The following PUM2 variants were observed in gnomAD, a reference collection of about 807,000 sequenced individuals.
PUM2 encodes pumilio homolog 2.
Under a neutral mutation model 124.5 loss-of-function variants are expected in PUM2, and 57 were observed. The observed-to-expected ratio is 0.46, with a 90% CI of 0.37 to 0.57. The LOEUF (loss-of-function observed/expected upper bound fraction) is 0.57. Ranked by LOEUF, PUM2 falls within the 20% of genes least tolerant of loss-of-function variation. The probability of loss-of-function intolerance (pLI) is 0.00; values close to 1 mark genes in which losing one functional copy is unlikely to be tolerated. For missense variants in PUM2, 1,065 were observed against 1,290.6 expected (o/e 0.83, Z 2.68); for synonymous variants, 460 against 446.1 (o/e 1.03, Z -0.39).
Position 20,256,174 on chromosome 2 carries a change from C to A in PUM2, c.2485-4G>T, listed in dbSNP as rs761376154. On this transcript the variant is annotated splice_region_variant and splice_polypyrimidine_tract_variant and intron_variant, in intron 16 of 20. Coordinates refer to ENST00000361078, the MANE Select transcript of PUM2 (RefSeq NM_015317.5). ...CCAGCTCCTTTACCATTTCACTCTGCAAAAGACAGGATGTCATTTAAATTA... is the reference window on the plus strand; with the variant it reads ...CCAGCTCCTTTACCATTTCACTCTGAAAAAGACAGGATGTCATTTAAATTA... 3 of 1,581,670 alleles carry A rather than the reference C, an allele frequency of 1.9e-6. No homozygotes were observed. Among genetic ancestry groups the A allele is most frequent in the East Asian group, 4.7e-5 (2 of 42,576 alleles).
chr2:20,316,712 C>A (rs538435630), intron 3 of PUM2, among the ~76,000 whole-genome samples: 3 of 151,946 alleles, frequency 2.0e-5, no homozygotes, highest in Admixed American at 1.3e-4. Flanking sequence ...TAGTGAGACC[C>A]CCATCTCTAA....
intron 12 of PUM2, among the ~76,000 whole-genome samples, chr2:20,280,905 G>A (rs1483631698): frequency 6.6e-6 from 1 of 152,116 alleles, no homozygotes; most frequent in Non-Finnish European, 1.5e-5. Context: ...CGATGTTTAG[G>A]CTTCTTGGCC....
At position 20,265,249 on chromosome 2, in the gene PUM2, C is replaced by CAA. The variant is rs113132877; in HGVS notation, c.1958-1791_1958-1790dup. Among the ~76,000 whole-genome samples the CAA allele has an allele frequency of 6.6e-3, 515 of 77,656 alleles. 12 individuals carry two copies. In the East Asian group the frequency reaches 0.08, roughly 12 times the overall value. 50.9% of individuals were successfully genotyped at this position (77,656 alleles called of 152,430 possible). ...CCTGGGTGCCAGAGCGAAACCGTCA[C>CAA]AAAAAAAAAAAAAAAGGCATGTAAT... On this transcript the variant is annotated intron_variant, in intron 13 of 20. Transcript: ENST00000361078.
chr2:20,341,213 C>G (rs1687162231), intron 1 of PUM2, among the ~76,000 whole-genome samples: 1 of 151,942 alleles, frequency 6.6e-6, no homozygotes, highest in Non-Finnish European at 1.5e-5. Flanking sequence ...ATATTTTGAC[C>G]CAGAAGTTTC....
chr2:20,275,936 G>A (rs1241918189), intron 13 of PUM2, among the ~76,000 whole-genome samples: 2 of 152,004 alleles, frequency 1.3e-5, no homozygotes, highest in African/African-American at 2.4e-5. Context: ...AATTGTTAAA[G>A]ACATTTAAGT....
At chr2:20,252,206 GCCAGTACTTTGGGA>G (rs1335260223) in intron 20 of PUM2, among the ~76,000 whole-genome samples, 35 of 152,130 alleles carry the variant, frequency 2.3e-4, no homozygotes, top group Admixed American at 1.4e-3. Context: ...ACACTTAGAG[GCCAGTACTTTGGGA>G]CCAGACTGGG....
chr2:20,278,529 A>G, intron 13 of PUM2, 54 bp downstream of exon 13: 1 of 1,385,106 alleles, frequency 7.2e-7, no homozygotes, highest in Non-Finnish European at 1.0e-6. Context: ...ACACACACAC[A>G]AACACACATA....
intron 5 of PUM2, among the ~76,000 whole-genome samples, chr2:20,310,669 G>GATAGTTA (rs3074570): frequency 6.6e-6 from 1 of 151,902 alleles, no homozygotes; most frequent in African/African-American, 2.4e-5. Flanking sequence ...CTTTGCTTTT[G>GATAGTTA]AAGGCAATAA....
intron 1 of PUM2, among the ~76,000 whole-genome samples, chr2:20,344,243 T>C (rs1687783797): frequency 6.6e-6 from 1 of 152,062 alleles, no homozygotes; most frequent in South Asian, 2.1e-4. Flanking sequence ...AATTTTTGCA[T>C]TTCTTATTGA....
Position 20,296,494 on chromosome 2 carries a change from C to CA in PUM2, c.1009+1058dup, listed in dbSNP as rs201882701. 8.7e-3 allele frequency among the ~76,000 whole-genome samples: 1,130 copies of CA among 129,344 alleles called. 44 individuals are homozygous for CA. Among genetic ancestry groups the CA allele is most frequent in the Admixed American group, 0.068 (886 of 12,978 alleles). The allele number at this position is 129,344 out of a possible 152,430, so 84.9% of individuals were successfully genotyped here. ...TGGGCAACAGAGCGAGACTCTGTCT[C>CA]AAAAAAAAAAAAAAAGTCAGTCTCC... On this transcript the variant is annotated intron_variant, in intron 8 of 20. Coordinates refer to ENST00000361078, the MANE Select transcript of PUM2 (RefSeq NM_015317.5).
chr2:20,313,328 T>A (rs147506812), intron 3 of PUM2, among the ~76,000 whole-genome samples: 1 of 152,248 alleles, frequency 6.6e-6, no homozygotes, highest in Non-Finnish European at 1.5e-5. Context: ...GGAGCACACA[T>A]CTTGAAAATA....
intron 12 of PUM2, among the ~76,000 whole-genome samples, chr2:20,280,152 C>A (rs1226022868): frequency 6.6e-6 from 1 of 152,044 alleles, no homozygotes; most frequent in South Asian, 2.1e-4. Flanking sequence ...AACTTAATTA[C>A]GTTGGTTTTG....
intron 7 of PUM2, among the ~76,000 whole-genome samples, chr2:20,306,633 G>A (rs1204135131): frequency 6.8e-6 from 1 of 147,708 alleles, no homozygotes; most frequent in Non-Finnish European, 1.5e-5. Context: ...TTCTTGAGCG[G>A]AGTCTCTCTC....
At chr2:20,336,681 TTGTGTGTGTGTGTGTGTG>T (rs113658730) in intron 1 of PUM2, among the ~76,000 whole-genome samples, 1 of 131,486 alleles carries the variant, frequency 7.6e-6, no homozygotes, top group African/African-American at 2.9e-5. Context: ...CCTGGCTAAT[TTGTGTGTGTGTGTGTGTG>T]TGTGTGTGTG....
At chr2:20,311,929 G>A (rs186854317) in intron 4 of PUM2, among the ~76,000 whole-genome samples, 14 of 152,176 alleles carry the variant, frequency 9.2e-5, no homozygotes, top group African/African-American at 3.1e-4. Flanking sequence ...TCTTTAATGC[G>A]TAGACGATTT....
intron 10 of PUM2, among the ~76,000 whole-genome samples, chr2:20,289,036 T>C (rs571138599): frequency 2.6e-5 from 4 of 152,296 alleles, no homozygotes; most frequent in Middle Eastern, 3.4e-3. Flanking sequence ...CTCACATCTG[T>C]AATCCCAGCA....
chr2:20,255,361 T>C lies in PUM2; in HGVS notation c.2623-20A>G. 11 of 1,603,860 alleles carry C rather than the reference T, an allele frequency of 6.9e-6. No homozygotes were observed. The highest frequency in any genetic ancestry group is 9.3e-6 in the Non-Finnish European group (11 of 1,176,520). ...AAATACCTGAGGACAATTAGAAGAA[T>C]TAAAATTTGTATTCTCTGACATTTT... On this transcript the variant is annotated intron_variant, in intron 17 of 20. Coordinates refer to ENST00000361078, the MANE Select transcript of PUM2 (RefSeq NM_015317.5).
chr2:20,255,196 A>G lies in PUM2; in HGVS notation c.2748+20T>C. 4 of 1,567,232 alleles carry G rather than the reference A, an allele frequency of 2.6e-6. No individual in the cohort carries two copies. Among genetic ancestry groups the G allele is most frequent in the Non-Finnish European group, 3.5e-6 (4 of 1,150,418 alleles). The stretch of plus-strand genomic sequence containing the variant: ...TTTCCAAAAATATATAAACATTTCA[A>G]ATTATTAGGGAATTTATACCTGTAC... On this transcript the variant is annotated intron_variant, in intron 18 of 20. Coordinates refer to ENST00000361078, the MANE Select transcript of PUM2 (RefSeq NM_015317.5).
intron 20 of PUM2, among the ~76,000 whole-genome samples, chr2:20,253,230 G>C (rs1352462288): frequency 6.6e-6 from 1 of 152,202 alleles, no homozygotes; most frequent in African/African-American, 2.4e-5. Context: ...TTTTGAGACA[G>C]GGTCTTGCTC....
Sources: allele counts gnomAD v4.1 joint callset (sites outside exome capture counted in the v4.1 genomes callset), GRCh38; gene constraint gnomAD v4.1.1; transcripts MANE v1.5; gene names NCBI Gene and HGNC (gene_info 2026-07-23, HGNC 2026-07-21).